The following ZNF680 variants were observed in gnomAD, a reference collection of about 807,000 sequenced individuals.
ZNF680 encodes zinc finger protein 680, also known as hypothetical protein FLJ90430.
A neutral mutation model predicts 12.1 loss-of-function variants in ZNF680; 6 were observed. The ratio of observed to expected loss-of-function variants is 0.49; its 90% CI spans 0.27 to 0.98. ZNF680 has a LOEUF of 0.98. Ranked by LOEUF, ZNF680 falls within the 50% of genes least tolerant of loss-of-function variation. The pLI, the probability that ZNF680 is intolerant of heterozygous loss-of-function variation, is 0.12. For missense variants in ZNF680, 561 were observed against 616.3 expected (o/e 0.91, Z 0.95); for synonymous variants, 170 against 199.3 (o/e 0.85, Z 1.24).
At chr7:64,533,686 C>T (rs751404116) in intron 3 of ZNF680, among the ~76,000 whole-genome samples, 73 of 141,902 alleles carry the variant, frequency 5.1e-4, no homozygotes, top group Admixed American at 1.1e-3. Context: ...GTATACAGAA[C>T]GAAAAAAGAG....
intron 3 of ZNF680, among the ~76,000 whole-genome samples, chr7:64,530,682 A>G (rs1338295774): frequency 6.6e-6 from 1 of 151,858 alleles, no homozygotes; most frequent in Non-Finnish European, 1.5e-5. Context: ...AAAATGGAGA[A>G]ACTCCATCTC....
Position 64,544,403 on chromosome 7 carries a change from T to C in ZNF680, c.60A>G (p.Ile20Met). 6.2e-7 allele frequency: 1 copy of C among 1,603,128 alleles called. No individual in the cohort carries two copies. The highest frequency in any genetic ancestry group is 8.5e-7 in the Non-Finnish European group (1 of 1,173,332). The change falls in exon 2 of 4, where the codon ATA becomes ATG. Residue 20 changes from isoleucine to methionine, a missense_variant. Ile to Met is a conservative substitution (Grantham distance 10). Coordinates refer to ENST00000309683, the MANE Select transcript of ZNF680 (RefSeq NM_178558.5). Reference sequence around the variant, plus strand: ...ATTGCCACTCCTCCAGAGAGAATTCTATGGCCACATCCCTAAATGTCAGTG... The same window carrying C: ...ATTGCCACTCCTCCAGAGAGAATTCCATGGCCACATCCCTAAATGTCAGTG... ...MGPLTFRDVA[I>M]EFSLEEWQCL...
intron 3 of ZNF680, among the ~76,000 whole-genome samples, chr7:64,523,867 C>A (rs945228133): frequency 1.3e-5 from 2 of 151,110 alleles, no homozygotes; most frequent in African/African-American, 2.4e-5. Flanking sequence ...GAGCTGAGAT[C>A]GCGCCACTGC....
At chr7:64,524,852 A>G (rs886709027) in intron 3 of ZNF680, 3 of 150,800 alleles carry the variant, frequency 2.0e-5, no homozygotes, top group South Asian at 4.2e-4. Flanking sequence ...TGAAATGAGT[A>G]TAGAACAGTA....
At chr7:64,502,669 C>A in the ZNF680 span, among the ~76,000 whole-genome samples, 1 of 152,130 alleles carries the variant, frequency 6.6e-6, no homozygotes. Flanking sequence ...ATAAACAAGT[C>A]TTTATTAAAC....
chr7:64,513,709 G>A, the ZNF680 span, among the ~76,000 whole-genome samples: 1 of 151,916 alleles, frequency 6.6e-6, no homozygotes, highest in Non-Finnish European at 1.5e-5. Flanking sequence ...GCAGTGGCGT[G>A]ATCTCAGCTC....
At chr7:64,544,530 G>C (rs1584387823) in intron 1 of ZNF680, 98 bp from the exon 2 acceptor site, 1 of 1,505,808 alleles carries the variant, frequency 6.6e-7, no homozygotes, top group Non-Finnish European at 8.9e-7. Flanking sequence ...GGCAAAGTAA[G>C]ACAGTATAGA....
At chr7:64,535,336 A>T (rs1463835046) in intron 3 of ZNF680, among the ~76,000 whole-genome samples, 1 of 150,738 alleles carries the variant, frequency 6.6e-6, no homozygotes, top group African/African-American at 2.4e-5. Context: ...GCCACTGCAA[A>T]CCAGCCTGGC....
At chr7:64,535,618 G>A (rs1294874427) in intron 3 of ZNF680, among the ~76,000 whole-genome samples, 1 of 152,032 alleles carries the variant, frequency 6.6e-6, no homozygotes, top group East Asian at 1.9e-4. Flanking sequence ...TGGGTGAGAT[G>A]GTCATCATTA....
At chr7:64,501,690 G>A in the ZNF680 span, 5 of 1,043,578 alleles carry the variant, frequency 4.8e-6, no homozygotes, top group African/African-American at 6.3e-5. Flanking sequence ...AGGAAGGAGA[G>A]GATGACAGAG....
chr7:64,506,462 A>T, the ZNF680 span, among the ~76,000 whole-genome samples: 1 of 151,996 alleles, frequency 6.6e-6, no homozygotes, highest in South Asian at 2.1e-4. Context: ...TGCTGGGATT[A>T]CAGGCGTGAG....
intron 1 of ZNF680, among the ~76,000 whole-genome samples, chr7:64,558,404 T>A (rs1472183149): frequency 1.3e-5 from 2 of 151,446 alleles, no homozygotes; most frequent in African/African-American, 2.4e-5. Flanking sequence ...GAAAAGGGGG[T>A]CTGTTATCAG....
At chr7:64,525,083 A>G (rs959517040) in intron 3 of ZNF680, 1 of 152,154 alleles carries the variant, frequency 6.6e-6, no homozygotes, top group African/African-American at 2.4e-5. Context: ...ATAATAAAGT[A>G]CCCAAAAATC....
chr7:64,518,564 A>G (rs983426039), downstream of ZNF680, among the ~76,000 whole-genome samples: 1 of 151,916 alleles, frequency 6.6e-6, no homozygotes, highest in Non-Finnish European at 1.5e-5. Flanking sequence ...AGAATGAGAA[A>G]AGACAATCCT....
In ZNF680 at chr7:64,520,889, A is replaced by G. The variant is rs535036221; in HGVS notation, c.*272T>C. The stretch of plus-strand genomic sequence containing the variant: ...CATTTATAATGCTTTTAATAAGTAT[A>G]AACTCTGGTGTTGAGTAAGATGTGA... On this transcript the variant is annotated 3_prime_UTR_variant, in exon 4 of 4. Transcript: ENST00000309683. The G allele has an allele frequency of 4.0e-5, 13 of 327,512 alleles. No homozygotes were observed. The highest frequency in any genetic ancestry group is 2.3e-4 in the Admixed American group (5 of 21,832). The allele number at this position is 327,512 out of a possible 1,614,324, so 20.3% of individuals were successfully genotyped here.
rs188073982 is a variant in ZNF680 at position 64,556,001 on chromosome 7, C to A, written c.30+6924G>T. ...AACAACATTCAACCTAAGGCCAAAT[C>A]AAAAAAAATCCCATTCACAATAACC... On this transcript the variant is annotated intron_variant, in intron 1 of 3. Coordinates refer to ENST00000309683, the MANE Select transcript of ZNF680 (RefSeq NM_178558.5). Among the ~76,000 whole-genome samples the A allele has an allele frequency of 2.4e-3, 365 of 150,526 alleles. 11 individuals carry two copies. In the East Asian group the frequency reaches 0.064, roughly 26 times the overall value.
At chr7:64,545,818 G>C (rs1486754167) in intron 1 of ZNF680, among the ~76,000 whole-genome samples, 1 of 152,128 alleles carries the variant, frequency 6.6e-6, no homozygotes, top group South Asian at 2.1e-4. Context: ...AGCTAATAGA[G>C]AACACAGATG....
rs1182408952 is a variant in ZNF680, at chr7:64,521,746, G to C, written c.1008C>G (p.Asn336Lys). Reference sequence around the variant, plus strand: ...TATGAATTTTCTTATGTTTAGTAAGGTTTGAAAACTGGTTAAAGTCTTTGC... The same window carrying C: ...TATGAATTTTCTTATGTTTAGTAAGCTTTGAAAACTGGTTAAAGTCTTTGC... ...ECGKDFNQFS[N>K]LTKHKKIHTG... The change falls in exon 4 of 4, where the codon AAC becomes AAG. Residue 336 changes from asparagine (N) to lysine (K), a missense_variant. Asn to Lys is a moderately conservative substitution (Grantham distance 94). Transcript: ENST00000309683. 6.2e-7 allele frequency: 1 copy of C among 1,612,432 alleles called. No homozygotes were observed. The highest frequency in any genetic ancestry group is 1.3e-5 in the African/African-American group (1 of 74,926).
intron 1 of ZNF680, among the ~76,000 whole-genome samples, chr7:64,559,989 A>G (rs1261011581): frequency 6.6e-6 from 1 of 152,212 alleles, no homozygotes; most frequent in East Asian, 1.9e-4. Flanking sequence ...AACAGGGTAT[A>G]GACTAGAAAT....
Sources: gnomAD v4.1 joint callset for allele counts (sites outside exome capture counted in the v4.1 genomes callset) on GRCh38, gnomAD v4.1.1 for gene constraint, MANE v1.5 for transcripts, NCBI Gene and HGNC (gene_info 2026-07-23, HGNC 2026-07-21) for gene names.